The following DOCK3 variants were observed in gnomAD, a reference collection of about 807,000 sequenced individuals.
The protein encoded by DOCK3 is dedicator of cytokinesis 3, also known as dedicator of cytokinesis protein 3.
A neutral mutation model predicts 265.6 loss-of-function variants in DOCK3; 60 were observed. That is an observed-to-expected ratio of 0.23 (90% CI 0.18 to 0.28). The LOEUF (loss-of-function observed/expected upper bound fraction) is 0.28, where lower values mean the gene tolerates loss of function less well. Among genes scored for constraint, DOCK3 ranks in the 10% least tolerant of loss-of-function variants. The probability of loss-of-function intolerance (pLI) is 1.00; values close to 1 mark genes in which losing one functional copy is unlikely to be tolerated. For synonymous variants in DOCK3, 881 were observed against 938.0 expected (o/e 0.94, Z 1.11); for missense variants, 1,981 against 2,594.3 (o/e 0.76, Z 5.14).
intron 1 of DOCK3, among the ~76,000 whole-genome samples, chr3:50,728,723 A>G (rs1470382637): frequency 3.8e-5 from 2 of 52,782 alleles, no homozygotes; most frequent in Non-Finnish European, 6.6e-5. Flanking sequence ...TATTAAATAA[A>G]TAGAATTTTT....
At chr3:50,723,724 C>T (rs1173178022) in intron 1 of DOCK3, among the ~76,000 whole-genome samples, 2 of 152,136 alleles carry the variant, frequency 1.3e-5, no homozygotes, top group African/African-American at 2.4e-5. Flanking sequence ...TTAAACGTAA[C>T]ACCTAAAACC....
At chr3:50,894,941 T>A (rs2048823211) in intron 4 of DOCK3, among the ~76,000 whole-genome samples, 1 of 152,152 alleles carries the variant, frequency 6.6e-6, no homozygotes, top group Non-Finnish European at 1.5e-5. Context: ...GTCTCCCAGC[T>A]GTATTTGACT....
intron 27 of DOCK3, among the ~76,000 whole-genome samples, chr3:51,281,297 A>ATATATATATATATATATATATATG (rs889323835): frequency 4.4e-5 from 6 of 136,710 alleles, no homozygotes; most frequent in African/African-American, 1.4e-4. Context: ...ATATATATAT[A>ATATATATATATATATATATATATG]TATATATATC....
At chr3:51,144,220 C>T (rs1458120222) in intron 9 of DOCK3, among the ~76,000 whole-genome samples, 1 of 152,220 alleles carries the variant, frequency 6.6e-6, no homozygotes, top group Non-Finnish European at 1.5e-5. Flanking sequence ...AAATGCATCA[C>T]TTCCACCTCT....
chr3:50,933,930 C>T (rs568178941), intron 4 of DOCK3, 51 bp from the exon 5 acceptor site: 13 of 1,294,880 alleles, frequency 1.0e-5, no homozygotes, highest in South Asian at 1.6e-5. Flanking sequence ...GACAGTTTGC[C>T]GAGATTTTTT....
intron 9 of DOCK3, among the ~76,000 whole-genome samples, chr3:51,126,338 C>T (rs2084264103): frequency 2.0e-5 from 3 of 152,156 alleles, no homozygotes; most frequent in Admixed American, 2.0e-4. Context: ...AGCTGCTGTT[C>T]TATTAGTAAC....
At chr3:51,108,869 A>C (rs566893349) in intron 9 of DOCK3, among the ~76,000 whole-genome samples, 1 of 152,244 alleles carries the variant, frequency 6.6e-6, no homozygotes, top group Non-Finnish European at 1.5e-5. Flanking sequence ...ACACAGGAGC[A>C]CTCAAATTCA....
rs954281933 is a variant in DOCK3, at chr3:50,909,933, CTCTATTCTTG to C, written c.218+19856_218+19865del. On this transcript the variant is annotated intron_variant, in intron 4 of 52. Transcript: ENST00000266037. Reference sequence around the variant, plus strand: ...TGTTCATTCCTTTTCATTCTTTCTTCTCTATTCTTGTCTGCCTGTATTATTTCAGAAAGAT... The same window carrying C: ...TGTTCATTCCTTTTCATTCTTTCTTCTCTGCCTGTATTATTTCAGAAAGAT... Among the ~76,000 whole-genome samples the C allele has an allele frequency of 1.6e-4, 25 of 151,972 alleles. 1 individual carries two copies. Among genetic ancestry groups the C allele is most frequent in the African/African-American group, 5.8e-4 (24 of 41,388 alleles).
At chr3:51,230,260 C>T (rs2090490383) in intron 19 of DOCK3, among the ~76,000 whole-genome samples, 1 of 152,104 alleles carries the variant, frequency 6.6e-6, no homozygotes, top group Non-Finnish European at 1.5e-5. Flanking sequence ...GTTTTTCAAC[C>T]CTTGTCCCTG....
chr3:50,841,009 G>T (rs60917457), intron 2 of DOCK3, among the ~76,000 whole-genome samples: 12,775 of 152,074 alleles, frequency 0.084, 1,185 homozygotes, highest in East Asian at 0.33. Flanking sequence ...ACAACTCTTG[G>T]CTTCCTCTCC....
chr3:50,813,853 G>A (rs902612252), intron 2 of DOCK3, among the ~76,000 whole-genome samples: 6 of 152,116 alleles, frequency 3.9e-5, no homozygotes, highest in African/African-American at 1.4e-4. Context: ...CTCACTATAT[G>A]AATCTATTTC....
intron 21 of DOCK3, among the ~76,000 whole-genome samples, chr3:51,245,539 C>T (rs1412551742): frequency 2.0e-5 from 3 of 151,942 alleles, no homozygotes; most frequent in Middle Eastern, 3.4e-3. Flanking sequence ...TATAGGCGCA[C>T]ACCACCACAC....
intron 3 of DOCK3, 80 bp from the exon 4 acceptor site, chr3:50,889,946 A>G: frequency 8.7e-7 from 1 of 1,154,958 alleles, no homozygotes; most frequent in Non-Finnish European, 1.1e-6. Context: ...CTGTGCTGAA[A>G]TCTGATTGCT....
chr3:51,081,026 A>G (rs898432129), intron 7 of DOCK3, among the ~76,000 whole-genome samples: 4 of 151,858 alleles, frequency 2.6e-5, no homozygotes, highest in African/African-American at 9.7e-5. Context: ...CATATATATC[A>G]TGGGGACATA....
chr3:50,985,439 A>G (rs1399869309), intron 5 of DOCK3, among the ~76,000 whole-genome samples: 1 of 152,184 alleles, frequency 6.6e-6, no homozygotes, highest in Non-Finnish European at 1.5e-5. Context: ...CTCACATTAA[A>G]TATTAATATT....
At chr3:51,312,685 AG>A in intron 30 of DOCK3, 109 bp downstream of exon 30, 1 of 1,269,616 alleles carries the variant, frequency 7.9e-7, no homozygotes, top group Non-Finnish European at 1.1e-6. Context: ...GTGGTTTCCC[AG>A]GGGCCCAAGT....
intron 1 of DOCK3, among the ~76,000 whole-genome samples, chr3:50,711,765 GT>G (rs1469671790): frequency 6.6e-6 from 1 of 152,158 alleles, no homozygotes; most frequent in East Asian, 1.9e-4. Flanking sequence ...TTATTTGAAT[GT>G]TTGGTAGATT....
intron 4 of DOCK3, among the ~76,000 whole-genome samples, chr3:50,895,881 G>A (rs751051935): frequency 4.6e-5 from 7 of 152,144 alleles, no homozygotes; most frequent in Non-Finnish European, 7.4e-5. Context: ...ATTCCGTGGT[G>A]TGTATGTGCC....
chr3:51,271,205 A>G (rs2080476444), intron 24 of DOCK3, among the ~76,000 whole-genome samples, 198 bp downstream of exon 24: 1 of 152,226 alleles, frequency 6.6e-6, no homozygotes, highest in South Asian at 2.1e-4. Context: ...CCTTACTCAC[A>G]GTTTATTCCT....
Sources: gnomAD v4.1 joint callset for allele counts (sites outside exome capture counted in the v4.1 genomes callset) on GRCh38, gnomAD v4.1.1 for gene constraint, MANE v1.5 for transcripts, NCBI Gene and HGNC (gene_info 2026-07-23, HGNC 2026-07-21) for gene names.